The following RORB variants were observed in gnomAD, a reference collection of about 807,000 sequenced individuals.
RORB encodes nuclear receptor ROR-beta.
Under a neutral mutation model 59.1 loss-of-function variants are expected in RORB, and 6 were observed. The observed-to-expected ratio is 0.10, with a 90% CI of 0.06 to 0.20. The LOEUF is 0.20. Ranked by LOEUF, RORB falls within the 10% of genes least tolerant of loss-of-function variation. The pLI is 1.00. For synonymous variants in RORB, 215 were observed against 204.5 expected, an observed-to-expected ratio of 1.05 and a Z score of -0.44; for missense variants, 320 against 560.5, an observed-to-expected ratio of 0.57 and a Z score of 4.33.
chr9:74,573,859 C>T (rs1386907942), intron 1 of RORB, among the ~76,000 whole-genome samples: 1 of 152,198 alleles, frequency 6.6e-6, no homozygotes, highest in East Asian at 1.9e-4. Context: ...TGGAGCACAT[C>T]GAAAGAAACA....
intron 9 of RORB, among the ~76,000 whole-genome samples, chr9:74,682,724 G>C (rs1473620134): frequency 6.6e-6 from 1 of 152,148 alleles, no homozygotes; most frequent in Admixed American, 6.5e-5. Context: ...ACTTAGTTCA[G>C]AGGACTGTTT....
intron 1 of RORB, among the ~76,000 whole-genome samples, chr9:74,523,293 A>T (rs1826108673): frequency 6.6e-6 from 1 of 151,138 alleles, no homozygotes; most frequent in Admixed American, 6.6e-5. Flanking sequence ...ATTTTATCTC[A>T]GTAGTCTTCT....
intron 1 of RORB, among the ~76,000 whole-genome samples, chr9:74,568,597 G>C (rs1315457227): frequency 6.6e-6 from 1 of 151,548 alleles, no homozygotes; most frequent in Non-Finnish European, 1.5e-5. Context: ...CTACTCGGGA[G>C]GCTGAGGCAG....
chr9:74,662,944 A>G (rs979508805), intron 6 of RORB, among the ~76,000 whole-genome samples: 2 of 146,104 alleles, frequency 1.4e-5, no homozygotes, highest in Non-Finnish European at 3.0e-5. Context: ...TGTGAAAGGA[A>G]AAAAAAAAAA....
chr9:74,588,297 T>A (rs541283296), intron 1 of RORB, among the ~76,000 whole-genome samples: 1 of 152,170 alleles, frequency 6.6e-6, no homozygotes, highest in East Asian at 1.9e-4. Context: ...GACTCTAATA[T>A]TCTTTAACTA....
chr9:74,682,574 T>G (rs550135506), intron 9 of RORB, among the ~76,000 whole-genome samples: 9 of 152,296 alleles, frequency 5.9e-5, no homozygotes, highest in Admixed American at 5.9e-4. Flanking sequence ...ATCCTCTCTA[T>G]GTAGTATTTG....
chr9:74,565,301 G>A (rs1393887650), intron 1 of RORB, among the ~76,000 whole-genome samples: 3 of 152,142 alleles, frequency 2.0e-5, no homozygotes, highest in Non-Finnish European at 1.5e-5. Context: ...TTTGAGAATT[G>A]CTAGAGAGAA....
intron 1 of RORB, among the ~76,000 whole-genome samples, chr9:74,591,316 A>G (rs4744720): frequency 0.96 from 145,934 of 152,278 alleles, 70,245 homozygotes; most frequent in East Asian, 1. Flanking sequence ...TCCTATGCAT[A>G]TGAATGAACC....
intron 1 of RORB, among the ~76,000 whole-genome samples, chr9:74,603,278 G>A (rs1057452206): frequency 1.6e-4 from 24 of 152,148 alleles, no homozygotes; most frequent in African/African-American, 5.3e-4. Flanking sequence ...TGGTGCAATG[G>A]CAGTGAGCTC....
intron 3 of RORB, among the ~76,000 whole-genome samples, chr9:74,635,032 C>T (rs1823678657): frequency 6.6e-6 from 1 of 152,144 alleles, no homozygotes; most frequent in Admixed American, 6.5e-5. Flanking sequence ...CCACATAGGC[C>T]TAGGTTGAAG....
chr9:74,528,881 A>G (rs1826193595), intron 1 of RORB, among the ~76,000 whole-genome samples: 1 of 152,014 alleles, frequency 6.6e-6, no homozygotes, highest in Non-Finnish European at 1.5e-5. Flanking sequence ...TCCATGAGGA[A>G]ATGAGACTAA....
intron 1 of RORB, among the ~76,000 whole-genome samples, chr9:74,554,824 C>T (rs1247792773): frequency 6.6e-6 from 1 of 152,164 alleles, no homozygotes; most frequent in African/African-American, 2.4e-5. Flanking sequence ...AGAATTCAGT[C>T]CCCACTAAAA....
chr9:74,660,467 G>A, intron 4 of RORB, 150 bp from the exon 5 acceptor site: 2 of 577,384 alleles, frequency 3.5e-6, no homozygotes, highest in Non-Finnish European at 5.6e-6. Context: ...TAAAGAGTTT[G>A]TCTGAAGATT....
chr9:74,572,259 A>G (rs1822565147), intron 1 of RORB, among the ~76,000 whole-genome samples: 1 of 152,210 alleles, frequency 6.6e-6, no homozygotes, highest in Admixed American at 6.6e-5. Flanking sequence ...TTAAAGGAAG[A>G]TGGTTATGAT....
At chr9:74,567,763 T>G (rs1333735835) in intron 1 of RORB, among the ~76,000 whole-genome samples, 2 of 152,220 alleles carry the variant, frequency 1.3e-5, no homozygotes, top group Non-Finnish European at 2.9e-5. Context: ...AGTCCCATTT[T>G]CAAAACTCTG....
chr9:74,671,150 AAGAG>A (rs973608065), intron 8 of RORB, among the ~76,000 whole-genome samples: 2 of 151,464 alleles, frequency 1.3e-5, no homozygotes, highest in African/African-American at 2.4e-5. Context: ...AAGGGAGAAA[AAGAG>A]AGAGGAAGAA....
chr9:74,499,849 G>C (rs1019237616), intron 1 of RORB, among the ~76,000 whole-genome samples: 5 of 151,976 alleles, frequency 3.3e-5, no homozygotes, highest in Non-Finnish European at 5.9e-5. Flanking sequence ...TCTGAACGTC[G>C]TAAACTATGC....
At chr9:74,641,841 A>G (rs1823811996) in intron 3 of RORB, among the ~76,000 whole-genome samples, 1 of 152,160 alleles carries the variant, frequency 6.6e-6, no homozygotes, top group South Asian at 2.1e-4. Context: ...CAGGAGCCCA[A>G]GGTTTCAGTG....
chr9:74,546,675 G>A (rs545727793), intron 1 of RORB, among the ~76,000 whole-genome samples: 2 of 152,302 alleles, frequency 1.3e-5, no homozygotes, highest in African/African-American at 4.8e-5. Flanking sequence ...TCTAGACACC[G>A]TTGTGCATTT....
Sources: gnomAD v4.1 joint callset for allele counts (sites outside exome capture counted in the v4.1 genomes callset) on GRCh38, gnomAD v4.1.1 for gene constraint, MANE v1.5 for transcripts, NCBI Gene and HGNC (gene_info 2026-07-23, HGNC 2026-07-21) for gene names.